Variants in AIRE observed in about 807,000 individuals in gnomAD.
AIRE encodes autoimmune polyendocrinopathy candidiasis ectodermal dystrophy protein.
Under a neutral mutation model 62.1 loss-of-function variants are expected in AIRE, and 52 were observed. The ratio of observed to expected loss-of-function variants is 0.84; its 90% CI spans 0.67 to 1.06. The LOEUF is 1.06. Ranked by LOEUF, AIRE falls within the 50% of genes least tolerant of loss-of-function variation. AIRE has a pLI of 0.00. For missense variants in AIRE, 774 were observed against 755.8 expected, an observed-to-expected ratio of 1.02 and a Z score of -0.28; for synonymous variants, 342 against 321.6, an observed-to-expected ratio of 1.06 and a Z score of -0.68.
chr21:44,291,316 G>C (rs2040538043), intron 8 of AIRE, 106 bp downstream of exon 8: 2 of 1,509,074 alleles, frequency 1.3e-6, no homozygotes, highest in Non-Finnish European at 8.9e-7. Context: ...ATCCAAGATG[G>C]AAAGGGGTTC....
chr21:44,286,160 C>CCCA lies in AIRE; in HGVS notation c.132+22_132+23insCCA. 5 of 1,482,654 alleles carry CCCA rather than the reference C, an allele frequency of 3.4e-6. No individual in the cohort carries two copies. The highest frequency in any genetic ancestry group is 1.4e-5 in the African/African-American group (1 of 71,272). 91.8% of individuals were successfully genotyped at this position (1,482,654 alleles called of 1,614,324 possible). On this transcript the variant is annotated intron_variant, in intron 1 of 13. Coordinates refer to ENST00000291582, the MANE Select transcript of AIRE (RefSeq NM_000383.4). This position sits in a 1 kb window ranked among gnomAD's most constrained non-coding sequence, Gnocchi z 6.0. ...TCAGGTGGGCTCCCCGCCCGCCCCC[C>CCCA]GCTGCCCCCAGGCCCTGTGAGCCAG...
At position 44,297,396 on chromosome 21, in the gene AIRE, A is replaced by G. The variant is rs916387980; in HGVS notation, c.1567-260A>G. On this transcript the variant is annotated intron_variant, in intron 13 of 13. Transcript: ENST00000291582. The surrounding 1 kb of genome is among the most constrained non-coding windows in gnomAD (Gnocchi z 4.8). ...GCCCTGGGCTTATAGGATGTGGTGA[A>G]GTACACAGGACAGGGTCCTCGGTCT... Among the ~76,000 whole-genome samples the G allele has an allele frequency of 7.9e-5, 12 of 151,312 alleles. No individual in the cohort carries two copies. Among genetic ancestry groups the G allele is most frequent in the African/African-American group, 2.7e-4 (11 of 41,228 alleles).
In AIRE at chr21:44,287,273, G is replaced by A. The variant is rs2040492269; in HGVS notation, c.463+140G>A. The A allele has an allele frequency of 9.7e-7, 1 of 1,033,970 alleles. No homozygotes were observed. The highest frequency in any genetic ancestry group is 2.4e-5 in the Admixed American group (1 of 42,358). The allele number at this position is 1,033,970 out of a possible 1,614,324, so 64.0% of individuals were successfully genotyped here. A position where few individuals can be genotyped will look rare whatever the true frequency, so the allele number is the denominator to read the frequency against. The stretch of plus-strand genomic sequence containing the variant: ...CTGGGGCTGTGGGGGTCTCCTCTGG[G>A]TACTAGACCCACACACTGGACCAGC... On this transcript the variant is annotated intron_variant, in intron 3 of 13. Transcript: ENST00000291582. The surrounding 1 kb of genome is among the most constrained non-coding windows in gnomAD (Gnocchi z 4.3).
rs888959872 is a variant in AIRE at position 44,287,461 on chromosome 21, C to G, written c.464-56C>G. 6 of 1,309,462 alleles carry G rather than the reference C, an allele frequency of 4.6e-6. No individual in the cohort carries two copies. The African/African-American group carries it at 5.9e-5, about 13-fold the overall frequency. The allele number at this position is 1,309,462 out of a possible 1,614,324, so 81.1% of individuals were successfully genotyped here. The stretch of plus-strand genomic sequence containing the variant: ...CCTCCCACCGCGGGCCCCTGCCCAC[C>G]GGCACTCACCCCCACTGAGAGGGGA... On this transcript the variant is annotated intron_variant, in intron 3 of 13. Coordinates refer to ENST00000291582, the MANE Select transcript of AIRE (RefSeq NM_000383.4). This position sits in a 1 kb window ranked among gnomAD's most constrained non-coding sequence, Gnocchi z 4.3.
chr21:44,293,163 T>C lies in AIRE; in HGVS notation c.1266T>C (p.Pro422=), dbSNP rs745741207. Residue 422 remains proline (P), a synonymous_variant, in exon 10 of 14, where the codon CCT becomes CCC. Coordinates refer to ENST00000291582, the MANE Select transcript of AIRE (RefSeq NM_000383.4). ...TGCACCCCCTACTGTGTGTGGGTCCTGAGGGTCAGCAGGTGAGCGGGGAGT... is the reference window on the plus strand; with the variant it reads ...TGCACCCCCTACTGTGTGTGGGTCCCGAGGGTCAGCAGGTGAGCGGGGAGT... ...SALHPLLCVG[P]EGQQNLAPGA... The C allele has an allele frequency of 1.3e-6, 2 of 1,566,744 alleles. No individual in the cohort carries two copies. The highest frequency in any genetic ancestry group is 2.3e-5 in the South Asian group (2 of 86,252).
At chr21:44,290,852 G>T (rs1024048649) in intron 7 of AIRE, 19 of 1,594,088 alleles carry the variant, frequency 1.2e-5, no homozygotes, top group Non-Finnish European at 1.5e-5. Context: ...GCAGCAGCCT[G>T]CAAGAAACCG....
rs759281545 is a variant in AIRE, at chr21:44,293,149, CTG to C, written c.1259_1260del (p.Val420GlyfsTer3). On this transcript the variant is annotated frameshift_variant, in exon 10 of 14. Coordinates refer to ENST00000291582, the MANE Select transcript of AIRE (RefSeq NM_000383.4). LOFTEE classifies it high-confidence loss of function. ...GGACTCCTCGGCCCTGCACCCCCTA[CTG>C]TGTGTGGGTCCTGAGGGTCAGCAGG... ...GLDSSALHPLLCVGPEGQQNL... is the reference protein window; with the variant it reads ...GLDSSALHPLXCVGPEGQQNL... 3 of 1,579,096 alleles carry C rather than the reference CTG, an allele frequency of 1.9e-6. No homozygotes were observed. Among genetic ancestry groups the C allele is most frequent in the Non-Finnish European group, 2.6e-6 (3 of 1,162,708 alleles).
chr21:44,288,400 C>T lies in AIRE; in HGVS notation c.594C>T (p.Asp198=), dbSNP rs376083924. Residue 198 remains aspartate, a synonymous_variant, in exon 5 of 14, where the codon GAC becomes GAT. Transcript: ENST00000291582. The stretch of plus-strand genomic sequence containing the variant: ...GAGCTGTGGCCATGTCCTCCGGGGA[C>T]GTCCCGGGAGCCCGAGGGGCCGTGG... ...VQRAVAMSSG[D]VPGARGAVEG... The T allele has an allele frequency of 2.4e-5, 38 of 1,612,650 alleles. No homozygotes were observed. In the African/African-American group the frequency reaches 3.3e-4, roughly 14 times the overall value.
Position 44,286,416 on chromosome 21 carries a change from A to G in AIRE, c.133-141A>G. The G allele has an allele frequency of 1.1e-6, 1 of 931,588 alleles. No homozygotes were observed. The highest frequency in any genetic ancestry group is 1.6e-6 in the Non-Finnish European group (1 of 637,170). 57.7% of individuals were successfully genotyped at this position (931,588 alleles called of 1,614,324 possible). A position where few individuals can be genotyped will look rare whatever the true frequency, so the allele number is the denominator to read the frequency against. Reference sequence around the variant, plus strand: ...CCCTACACCACCACCTGACTCCACCACAAGCCGAGGAGATGGGCGTGGAGC... The same window carrying G: ...CCCTACACCACCACCTGACTCCACCGCAAGCCGAGGAGATGGGCGTGGAGC... On this transcript the variant is annotated intron_variant, in intron 1 of 13. Coordinates refer to ENST00000291582, the MANE Select transcript of AIRE (RefSeq NM_000383.4). The surrounding 1 kb of genome is among the most constrained non-coding windows in gnomAD (Gnocchi z 6.0).
chr21:44,287,323 G>T lies in AIRE; in HGVS notation c.463+190G>T, dbSNP rs2040492795. 6.5e-6 allele frequency: 5 copies of T among 765,134 alleles called. No individual in the cohort carries two copies. Among genetic ancestry groups the T allele is most frequent in the Non-Finnish European group, 8.5e-6 (4 of 471,054 alleles). 47.4% of individuals were successfully genotyped at this position (765,134 alleles called of 1,614,324 possible). On this transcript the variant is annotated intron_variant, in intron 3 of 13. Coordinates refer to ENST00000291582, the MANE Select transcript of AIRE (RefSeq NM_000383.4). The surrounding 1 kb of genome is among the most constrained non-coding windows in gnomAD (Gnocchi z 4.3). ...CCTCTCAGCTCCCTCCTGCCTGAAG[G>T]CTGAGCTCCCCGGAGCTGGTGAAGT...
chr21:44,294,312 C>G, intron 11 of AIRE, 89 bp from the exon 12 acceptor site: 1 of 647,394 alleles, frequency 1.5e-6, no homozygotes, highest in East Asian at 3.3e-5. Flanking sequence ...CCCCCACTCA[C>G]CACCCACGCC....
In AIRE at chr21:44,296,229, G is replaced by A. The variant is rs1398238727; in HGVS notation, c.1504-154G>A. Among the ~76,000 whole-genome samples, 3 of 152,084 alleles carry A rather than the reference G, an allele frequency of 2.0e-5. No individual in the cohort carries two copies. In the South Asian group the frequency reaches 6.2e-4, roughly 31 times the overall value. ...GCAGCCCCAGCCCCATCATGCCCAC[G>A]CAGCCCTGTGCCCCCACCCCCAGTG... On this transcript the variant is annotated intron_variant, in intron 12 of 13. Coordinates refer to ENST00000291582, the MANE Select transcript of AIRE (RefSeq NM_000383.4).
At position 44,290,028 on chromosome 21, in the gene AIRE, C is replaced by T. The variant is rs1467097722; in HGVS notation, c.839C>T (p.Pro280Leu). 6.2e-7 allele frequency: 1 copy of T among 1,611,758 alleles called. No homozygotes were observed. The highest frequency in any genetic ancestry group is 1.7e-5 in the Admixed American group (1 of 59,920). The change falls in exon 7 of 14, where the codon CCC becomes CTC. Residue 280 changes from proline (P) to leucine (L), a missense_variant. Coordinates refer to ENST00000291582, the MANE Select transcript of AIRE (RefSeq NM_000383.4). The stretch of plus-strand genomic sequence containing the variant: ...AGGCTGGGCCAGCAGGGCAGCGTTC[C>T]CGCCCCTCTGGCCCTCCCCAGTGAC... The part of the protein sequence containing the change: ...EARLGQQGSV[P>L]APLALPSDPQ...
rs2040586363 is a variant in AIRE, at chr21:44,294,546, TGGGGAACCCCTTG to T, written c.1503+46_1503+58del. 10 of 1,185,490 alleles carry T rather than the reference TGGGGAACCCCTTG, an allele frequency of 8.4e-6. No individual in the cohort carries two copies. In the South Asian group the frequency reaches 1.3e-4, roughly 16 times the overall value. The allele number at this position is 1,185,490 out of a possible 1,614,324, so 73.4% of individuals were successfully genotyped here. On this transcript the variant is annotated intron_variant, in intron 12 of 13. Transcript: ENST00000291582. ...CCTCCATGCATGCCGGTGCTGGGGGTGGGGAACCCCTTGGGTTGGTGTTGGGGGAGCACATCTC... is the reference window on the plus strand; with the variant it reads ...CCTCCATGCATGCCGGTGCTGGGGGTGGTTGGTGTTGGGGGAGCACATCTC...
At chr21:44,295,981 C>G (rs768045741) in intron 12 of AIRE, among the ~76,000 whole-genome samples, 94 of 152,222 alleles carry the variant, frequency 6.2e-4, no homozygotes, top group Middle Eastern at 3.2e-3. Flanking sequence ...GGACCTTCTC[C>G]CACTCTGGTC....
chr21:44,291,276 C>T, intron 8 of AIRE, 66 bp downstream of exon 8: 1 of 1,577,840 alleles, frequency 6.3e-7, no homozygotes, highest in African/African-American at 1.3e-5. Context: ...ACCCACTGAC[C>T]CTGAAGGGAA....
At chr21:44,294,302 C>T in intron 11 of AIRE, 99 bp from the exon 12 acceptor site, 2 of 436,934 alleles carry the variant, frequency 4.6e-6, no homozygotes, top group South Asian at 4.0e-5. Context: ...ACACCCCCAT[C>T]CCCCACTCAC....
chr21:44,296,305 C>A, intron 12 of AIRE, 78 bp from the exon 13 acceptor site: 2 of 1,307,956 alleles, frequency 1.5e-6, no homozygotes, highest in South Asian at 1.2e-5. Context: ...ACCCCCGCGG[C>A]CCCTAGGCCC....
At chr21:44,292,504 C>A in intron 9 of AIRE, 103 bp downstream of exon 9, 1 of 811,694 alleles carries the variant, frequency 1.2e-6, no homozygotes, top group Non-Finnish European at 2.0e-6. Flanking sequence ...CCCCTGGAGT[C>A]CTGTGGGACA....
Sources: allele counts gnomAD v4.1 joint callset (sites outside exome capture counted in the v4.1 genomes callset), GRCh38; gene constraint gnomAD v4.1.1; non-coding constraint Gnocchi (gnomAD v3.1); transcripts MANE v1.5; gene names NCBI Gene and HGNC (gene_info 2026-07-23, HGNC 2026-07-21).